Variants in RNF130 observed in about 807,000 individuals in gnomAD.
RNF130 encodes ring finger protein 130.
In RNF130, 21 loss-of-function variants were observed where a neutral mutation model predicts 44.6. That is an observed-to-expected ratio of 0.47 (90% CI 0.33 to 0.68). The LOEUF (loss-of-function observed/expected upper bound fraction) is 0.68, where lower values mean the gene tolerates loss of function less well. RNF130 is among the 30% of genes least tolerant of loss of function. The pLI is 0.02. For missense variants in RNF130, 479 were observed against 560.6 expected, an observed-to-expected ratio of 0.85 and a Z score of 1.47; for synonymous variants, 214 against 210.4, an observed-to-expected ratio of 1.02 and a Z score of -0.15.
intron 2 of RNF130, among the ~76,000 whole-genome samples, chr5:180,017,702 G>A (rs1763772992): frequency 6.6e-6 from 1 of 151,982 alleles, no homozygotes; most frequent in Admixed American, 6.6e-5. Flanking sequence ...ATTTTTTAAT[G>A]AGGAAAAAAA....
chr5:180,003,777 C>T (rs961754493), intron 3 of RNF130, among the ~76,000 whole-genome samples: 25 of 152,192 alleles, frequency 1.6e-4, no homozygotes, highest in African/African-American at 6.0e-4. Flanking sequence ...CCATGAAGAT[C>T]ACTTTTTATT....
intron 2 of RNF130, among the ~76,000 whole-genome samples, chr5:180,020,339 G>A (rs1450262755): frequency 6.6e-6 from 1 of 152,142 alleles, no homozygotes; most frequent in African/African-American, 2.4e-5. Context: ...GGAAGAACGC[G>A]GTCTGCTGCA....
At chr5:180,005,853 G>A (rs569006917) in intron 3 of RNF130, among the ~76,000 whole-genome samples, 1 of 152,194 alleles carries the variant, frequency 6.6e-6, no homozygotes, top group South Asian at 2.1e-4. Flanking sequence ...ATTTACTGAG[G>A]CAGTGTGATG....
chr5:180,053,941 T>C (rs553101758), intron 1 of RNF130, among the ~76,000 whole-genome samples: 3 of 152,044 alleles, frequency 2.0e-5, no homozygotes, highest in African/African-American at 7.2e-5. Context: ...GCGATTCTCC[T>C]GCTTTAGCCT....
chr5:179,977,911 C>G lies in RNF130; in HGVS notation c.848+292G>C, dbSNP rs1434416669. On this transcript the variant is annotated intron_variant, in intron 5 of 8. Transcript: ENST00000521389. The surrounding 1 kb of genome is among the most constrained non-coding windows in gnomAD (Gnocchi z 4.1). ...ACAAACATAAAAAGATAAACGAAAC[C>G]ATAGAACAAGAATTCTCGACCTCAA... Among the ~76,000 whole-genome samples, 1 of 152,090 alleles carries G rather than the reference C, an allele frequency of 6.6e-6. No homozygotes were observed. The highest frequency in any genetic ancestry group is 6.5e-5 in the Admixed American group (1 of 15,270).
chr5:180,039,931 G>T (rs977321984), intron 2 of RNF130, among the ~76,000 whole-genome samples: 1 of 152,104 alleles, frequency 6.6e-6, no homozygotes, highest in Non-Finnish European at 1.5e-5. Flanking sequence ...AAAACTCATC[G>T]CACAGCGCCT....
intron 7 of RNF130, among the ~76,000 whole-genome samples, chr5:179,928,654 A>T (rs1184755516): frequency 7.1e-6 from 1 of 141,694 alleles, no homozygotes; most frequent in Non-Finnish European, 1.5e-5. Context: ...TTTGAGACGG[A>T]GTCTCGCTCT....
intron 1 of RNF130, among the ~76,000 whole-genome samples, chr5:180,065,759 CA>C (rs1453297622): frequency 1.6e-4 from 13 of 82,258 alleles, no homozygotes; most frequent in Admixed American, 1.2e-4. Context: ...GACTCTGTCT[CA>C]AAAAAAAAAA....
At chr5:179,953,572 CA>C (rs1394905450), downstream of RNF130, among the ~76,000 whole-genome samples, 1 of 152,130 alleles carries the variant, frequency 6.6e-6, no homozygotes, top group African/African-American at 2.4e-5. Flanking sequence ...TGAATATCCA[CA>C]TGCAAAAGAA....
chr5:180,014,797 G>A (rs1561692770), intron 2 of RNF130, among the ~76,000 whole-genome samples: 2 of 152,120 alleles, frequency 1.3e-5, no homozygotes, highest in Non-Finnish European at 2.9e-5. Flanking sequence ...ACCAGCCTGG[G>A]CAACATGGTG....
intron 1 of RNF130, among the ~76,000 whole-genome samples, chr5:180,063,616 G>A (rs2113186207): frequency 1.3e-5 from 2 of 152,306 alleles, no homozygotes. Context: ...GTAACAGGAG[G>A]TACGTGGAGA....
chr5:180,057,100 G>A (rs188447119), intron 1 of RNF130, among the ~76,000 whole-genome samples: 3 of 152,316 alleles, frequency 2.0e-5, no homozygotes, highest in African/African-American at 4.8e-5. Flanking sequence ...TGCTAATAAG[G>A]TGACTCTTGG....
downstream of RNF130, among the ~76,000 whole-genome samples, chr5:179,952,971 T>C (rs1452474330): frequency 6.6e-6 from 1 of 151,996 alleles, no homozygotes; most frequent in Non-Finnish European, 1.5e-5. Context: ...TATTCAACAA[T>C]CTACTATTTG....
chr5:179,978,155 C>G (rs1157694768), intron 5 of RNF130, 48 bp downstream of exon 5: 1 of 1,497,706 alleles, frequency 6.7e-7, no homozygotes, highest in African/African-American at 1.4e-5. Flanking sequence ...AGGAGGCATA[C>G]AAAGCACATT....
intron 3 of RNF130, among the ~76,000 whole-genome samples, chr5:179,985,221 A>G (rs1762928233): frequency 7.6e-6 from 1 of 130,812 alleles, no homozygotes; most frequent in Non-Finnish European, 1.5e-5. Context: ...TGGCTCTATC[A>G]TAAATCCTGT....
At chr5:180,027,331 T>C (rs1205309073) in intron 2 of RNF130, among the ~76,000 whole-genome samples, 2 of 152,104 alleles carry the variant, frequency 1.3e-5, no homozygotes, top group Non-Finnish European at 2.9e-5. Flanking sequence ...GGGAACTGAG[T>C]AACACATTGA....
intron 7 of RNF130, among the ~76,000 whole-genome samples, chr5:179,927,387 C>T (rs1225245411): frequency 6.6e-6 from 1 of 152,166 alleles, no homozygotes; most frequent in African/African-American, 2.4e-5. Flanking sequence ...AACCTACATA[C>T]AGATATGTGC....
chr5:179,923,461 C>T (rs534371199), intron 7 of RNF130, among the ~76,000 whole-genome samples: 29 of 152,230 alleles, frequency 1.9e-4, no homozygotes, highest in South Asian at 6.2e-4. Flanking sequence ...ATTTTAAGTT[C>T]GGCCTAAAGG....
chr5:179,947,473 G>A (rs1368476333), intron 7 of RNF130, among the ~76,000 whole-genome samples: 1 of 152,230 alleles, frequency 6.6e-6, no homozygotes, highest in Non-Finnish European at 1.5e-5. Context: ...GACACTTGGT[G>A]AGCTTCTCTA....
Sources: allele counts gnomAD v4.1 joint callset (sites outside exome capture counted in the v4.1 genomes callset), GRCh38; gene constraint gnomAD v4.1.1; non-coding constraint Gnocchi (gnomAD v3.1); transcripts MANE v1.5; gene names NCBI Gene and HGNC (gene_info 2026-07-23, HGNC 2026-07-21).